TASOR: variants seen among roughly 807,000 people sequenced by gnomAD.
TASOR encodes protein TASOR.
TASOR carries 53 observed loss-of-function variants against 178.6 expected under a neutral mutation model. The ratio of observed to expected loss-of-function variants is 0.30; its 90% CI spans 0.24 to 0.37. The LOEUF (loss-of-function observed/expected upper bound fraction) is 0.37, where lower values mean the gene tolerates loss of function less well. TASOR is among the 10% of genes least tolerant of loss of function. The pLI, the probability that TASOR is intolerant of heterozygous loss-of-function variation, is 1.00. For synonymous variants in TASOR, 713 were observed against 696.2 expected (o/e 1.02, Z -0.38); for missense variants, 1,815 against 1,971.4 (o/e 0.92, Z 1.50).
chr3:56,641,483 T>G lies in TASOR; in HGVS notation c.2485A>C (p.Thr829Pro), dbSNP rs750606667. 64 of 1,613,676 alleles carry G rather than the reference T, an allele frequency of 4.0e-5. No homozygotes were observed. The Admixed American group carries it at 1.1e-3, about 27-fold the overall frequency. Reference sequence around the variant, plus strand: ...TGTGCATTTTCAACTTTTGCACAAGTAGGCTGCTCATAGTCTTTCTTATCT... The same window carrying G: ...TGTGCATTTTCAACTTTTGCACAAGGAGGCTGCTCATAGTCTTTCTTATCT... ...TPDKKDYEQP[T>P]CAKVENAQFK... Residue 829 changes from threonine to proline, a missense_variant, in exon 15 of 24, where the codon ACT (threonine) becomes CCT (proline). This residue lies in a region of TASOR where 655 missense variants were observed against 671.1 expected (regional missense o/e 0.98). Coordinates refer to ENST00000683822, the MANE Select transcript of TASOR (RefSeq NM_001365635.2).
intron 14 of TASOR, among the ~76,000 whole-genome samples, chr3:56,645,965 G>C (rs1237336698): frequency 1.3e-5 from 2 of 152,140 alleles, no homozygotes; most frequent in Middle Eastern, 3.2e-3. Context: ...TGGCTCACAT[G>C]GTGAAACCCC....
chr3:56,672,314 A>T (rs1297185997), intron 2 of TASOR, among the ~76,000 whole-genome samples: 2 of 152,204 alleles, frequency 1.3e-5, no homozygotes, highest in Admixed American at 1.3e-4. Flanking sequence ...TCTTCAGACT[A>T]AATTTTCATA....
Position 56,646,928 on chromosome 3 carries a change from A to G in TASOR, c.1809T>C (p.His603=). Residue 603 remains histidine, a synonymous_variant, in exon 14 of 24, where the codon CAT becomes CAC. Transcript: ENST00000683822. ...RNKSHIDTCL[H]AYIFRPEVYQ... ...ACACTTCAGGCCGAAAAATATAGGC[A>G]TGCAAACAAGTATCAATATGGGATT... 6.2e-7 allele frequency: 1 copy of G among 1,612,340 alleles called. No individual in the cohort carries two copies. Among genetic ancestry groups the G allele is most frequent in the African/African-American group, 1.3e-5 (1 of 74,956 alleles).
intron 11 of TASOR, among the ~76,000 whole-genome samples, chr3:56,657,793 C>G (rs2077504387): frequency 6.6e-6 from 1 of 152,096 alleles, no homozygotes; most frequent in African/African-American, 2.4e-5. Flanking sequence ...ATTTATATAC[C>G]AAAGAGTTGG....
chr3:56,648,106 C>A (rs1169634252), intron 13 of TASOR, among the ~76,000 whole-genome samples: 1 of 152,180 alleles, frequency 6.6e-6, no homozygotes, highest in African/African-American at 2.4e-5. Context: ...ACTCAAGAGG[C>A]TGAGGCAGGA....
chr3:56,675,376 C>T (rs1006369054), intron 1 of TASOR, among the ~76,000 whole-genome samples: 3 of 151,256 alleles, frequency 2.0e-5, no homozygotes, highest in African/African-American at 7.3e-5. Flanking sequence ...GGGGTTTCAC[C>T]ATGTTGGCCA....
chr3:56,639,177 G>C (rs995193854), intron 16 of TASOR, among the ~76,000 whole-genome samples: 1 of 152,146 alleles, frequency 6.6e-6, no homozygotes, highest in Non-Finnish European at 1.5e-5. Flanking sequence ...AGAGTCCTCG[G>C]AAGTCTCAGC....
At chr3:56,637,558 A>G (rs1021127200) in intron 17 of TASOR, among the ~76,000 whole-genome samples, 1 of 148,990 alleles carries the variant, frequency 6.7e-6, no homozygotes, top group Non-Finnish European at 1.5e-5. Context: ...ACTTTCCTCT[A>G]TGTTATATAT....
chr3:56,643,769 CAAAAA>C (rs66937003), intron 14 of TASOR, among the ~76,000 whole-genome samples: 1 of 101,780 alleles, frequency 9.8e-6, no homozygotes, highest in Non-Finnish European at 1.9e-5. Context: ...AAAAAAAAAA[CAAAAA>C]AAAAAGTTAG....
chr3:56,623,082 A>T lies in TASOR; in HGVS notation c.4968T>A (p.Ser1656Arg). ...LDRDKSPPPL[S>R]WGKSDSSRPY... ...GCCTGGAAGAATCACTTTTCCCCCA[A>T]CTTAAGGGAGGTGGAGATTTATCTC... The change falls in exon 24 of 24, where the codon AGT becomes AGA. Residue 1656 changes from serine (S) to arginine (R), a missense_variant. Transcript: ENST00000683822. 6.2e-7 allele frequency: 1 copy of T among 1,605,416 alleles called. No individual in the cohort carries two copies. The highest frequency in any genetic ancestry group is 8.5e-7 in the Non-Finnish European group (1 of 1,176,210).
At chr3:56,636,643 C>T (rs923744139) in intron 17 of TASOR, among the ~76,000 whole-genome samples, 6 of 151,754 alleles carry the variant, frequency 4.0e-5, no homozygotes, top group Admixed American at 1.3e-4. Flanking sequence ...CCTCCTGATC[C>T]GCACACCTTG....
chr3:56,655,953 A>C (rs1010415183), intron 11 of TASOR, among the ~76,000 whole-genome samples: 1 of 152,218 alleles, frequency 6.6e-6, no homozygotes, highest in Non-Finnish European at 1.5e-5. Context: ...GGCTGATGAC[A>C]TAGACATTGT....
rs1176419181 is a variant in TASOR at position 56,653,262 on chromosome 3, C to CAAAAAAAA, written c.1369-4213_1369-4206dup. ...TGGGCAACAGAGTGAGACTCCATCT[C>CAAAAAAAA]AAAAAAAAAAAAAAAAAAAAAAAAA... is the stretch of plus-strand genomic sequence containing the variant. On this transcript the variant is annotated intron_variant, in intron 11 of 23. Transcript: ENST00000683822. Among the ~76,000 whole-genome samples the CAAAAAAAA allele has an allele frequency of 5.7e-3, 28 of 4,952 alleles. 2 individuals carry two copies. The highest frequency in any genetic ancestry group is 0.028 in the East Asian group (3 of 108). 3.2% of individuals were successfully genotyped at this position (4,952 alleles called of 152,430 possible). A position where few individuals can be genotyped will look rare whatever the true frequency, so the allele number is the denominator to read the frequency against.
At chr3:56,647,909 C>T (rs878988854) in intron 13 of TASOR, among the ~76,000 whole-genome samples, 9 of 152,156 alleles carry the variant, frequency 5.9e-5, no homozygotes, top group Non-Finnish European at 1.3e-4. Flanking sequence ...TCATACAAAA[C>T]CCTCACAGAC....
chr3:56,665,499 G>C (rs1386204637), intron 7 of TASOR, among the ~76,000 whole-genome samples: 3 of 152,048 alleles, frequency 2.0e-5, no homozygotes, highest in Non-Finnish European at 4.4e-5. Flanking sequence ...TAGGACTACA[G>C]GCACGTACCA....
At chr3:56,631,572 C>CTG (rs771898036) in intron 18 of TASOR, among the ~76,000 whole-genome samples, 1 of 125,164 alleles carries the variant, frequency 8.0e-6, no homozygotes, top group Non-Finnish European at 1.6e-5. Flanking sequence ...GTGTGTGTGT[C>CTG]TGTGTTTTTT....
chr3:56,666,152 T>TA (rs34101168), intron 7 of TASOR, 108 bp downstream of exon 7: 99,313 of 848,824 alleles, frequency 0.12, 2,248 homozygotes, highest in East Asian at 0.27. Flanking sequence ...CAAGGGAAGT[T>TA]AAAAAAAAAA....
At chr3:56,634,582 A>G (rs2076980075) in intron 17 of TASOR, among the ~76,000 whole-genome samples, 1 of 152,238 alleles carries the variant, frequency 6.6e-6, no homozygotes, top group Admixed American at 6.5e-5. Flanking sequence ...GAACAATAAT[A>G]AGACAAGAGA....
chr3:56,667,601 G>A (rs371930613), intron 6 of TASOR, among the ~76,000 whole-genome samples: 1 of 152,284 alleles, frequency 6.6e-6, no homozygotes, highest in African/African-American at 2.4e-5. Flanking sequence ...AGGTTGCAGT[G>A]AGCCAAGATC....
Sources: gnomAD v4.1 joint callset for allele counts (sites outside exome capture counted in the v4.1 genomes callset) on GRCh38, gnomAD v4.1.1 for gene constraint, gnomAD v4.1.1 regional missense constraint, MANE v1.5 for transcripts, NCBI Gene and HGNC (gene_info 2026-07-23, HGNC 2026-07-21) for gene names.